The following AGO3 variants were observed in gnomAD, a reference collection of about 807,000 sequenced individuals.
The protein encoded by AGO3 is argonaute RISC catalytic component 3, also known as protein argonaute-3.
A neutral mutation model predicts 105.5 loss-of-function variants in AGO3; 16 were observed. The observed-to-expected ratio is 0.15, with a 90% CI of 0.10 to 0.23. The LOEUF is 0.23. Among genes scored for constraint, AGO3 ranks in the 10% least tolerant of loss-of-function variants. The probability of loss-of-function intolerance (pLI) is 1.00; values close to 1 mark genes in which losing one functional copy is unlikely to be tolerated. For synonymous variants in AGO3, 340 were observed against 367.3 expected, an observed-to-expected ratio of 0.93 and a Z score of 0.85; for missense variants, 534 against 1,088.0, an observed-to-expected ratio of 0.49 and a Z score of 7.16.
chr1:36,046,450 G>A (rs1010193781), intron 17 of AGO3, among the ~76,000 whole-genome samples: 3 of 151,764 alleles, frequency 2.0e-5, no homozygotes, highest in Non-Finnish European at 4.4e-5. Context: ...CCAGCACTTC[G>A]GGAGGCCGAG....
At chr1:35,931,002 C>G (rs896207094), upstream of AGO3, 3 of 353,890 alleles carry the variant, frequency 8.5e-6, no homozygotes, top group African/African-American at 2.1e-5. Context: ...GCTCCTGCCC[C>G]GACGTCGCTC....
At chr1:35,971,466 T>C (rs1223693703) in intron 3 of AGO3, among the ~76,000 whole-genome samples, 1 of 151,832 alleles carries the variant, frequency 6.6e-6, no homozygotes, top group Non-Finnish European at 1.5e-5. Flanking sequence ...GCCTTTTTTT[T>C]TTCTTTTTTT....
chr1:35,966,405 G>C (rs1307057401), intron 2 of AGO3, among the ~76,000 whole-genome samples: 1 of 152,084 alleles, frequency 6.6e-6, no homozygotes, highest in Non-Finnish European at 1.5e-5. Context: ...CAGTTACATT[G>C]GCTCAGATGT....
chr1:36,043,527 C>G lies in AGO3; in HGVS notation c.2253C>G (p.Leu751=). 6.2e-7 allele frequency: 1 copy of G among 1,612,928 alleles called. No homozygotes were observed. Among genetic ancestry groups the G allele is most frequent in the African/African-American group, 1.3e-5 (1 of 75,006 alleles). The part of the protein sequence containing the change: ...ITHPYEFDFY[L]CSHAGIQGTS... Reference sequence around the variant, plus strand: ...ACCCATATGAGTTCGATTTTTACCTCTGTAGCCATGCTGGAATACAGGTAA... The same window carrying G: ...ACCCATATGAGTTCGATTTTTACCTGTGTAGCCATGCTGGAATACAGGTAA... The change falls in exon 17 of 19, where the codon CTC becomes CTG. Residue 751 remains leucine (L), a synonymous_variant. Coordinates refer to ENST00000373191, the MANE Select transcript of AGO3 (RefSeq NM_024852.4).
At chr1:36,015,718 C>G (rs1008513970) in intron 11 of AGO3, among the ~76,000 whole-genome samples, 4 of 152,216 alleles carry the variant, frequency 2.6e-5, no homozygotes, top group South Asian at 2.1e-4. Context: ...ATAGTAGCAG[C>G]AAGCATCATT....
chr1:36,026,040 CA>C (rs796763694), intron 11 of AGO3, among the ~76,000 whole-genome samples: 179 of 135,036 alleles, frequency 1.3e-3, no homozygotes, highest in Admixed American at 1.6e-3. Context: ...GACTCCACCT[CA>C]AAAAAAAAAA....
intron 17 of AGO3, among the ~76,000 whole-genome samples, chr1:36,051,672 G>A (rs1642720278): frequency 6.6e-6 from 1 of 152,090 alleles, no homozygotes. Context: ...ATGAGCCTGG[G>A]CAACAGAACA....
intron 5 of AGO3, among the ~76,000 whole-genome samples, chr1:35,993,344 T>A (rs1196296983): frequency 6.6e-6 from 1 of 151,772 alleles, no homozygotes; most frequent in African/African-American, 2.4e-5. Flanking sequence ...GTTGGTTATT[T>A]AAAAAAAATA....
chr1:35,952,286 G>A (rs1646488972), intron 2 of AGO3, among the ~76,000 whole-genome samples: 1 of 151,576 alleles, frequency 6.6e-6, no homozygotes, highest in African/African-American at 2.4e-5. Context: ...GGGACTACAG[G>A]CGCCTGCCAC....
chr1:35,951,675 C>T (rs552563048), intron 2 of AGO3, among the ~76,000 whole-genome samples: 3 of 152,242 alleles, frequency 2.0e-5, no homozygotes, highest in African/African-American at 7.2e-5. Context: ...AGGTTTGAGC[C>T]ACTGCACCCA....
intron 2 of AGO3, among the ~76,000 whole-genome samples, chr1:35,955,858 G>A (rs1646555638): frequency 6.6e-6 from 1 of 152,112 alleles, no homozygotes; most frequent in East Asian, 1.9e-4. Context: ...ACTTCCCAAA[G>A]TGTTGGAATT....
intron 5 of AGO3, among the ~76,000 whole-genome samples, chr1:35,998,520 A>G (rs1368293795): frequency 6.6e-6 from 1 of 152,136 alleles, no homozygotes. Context: ...TTATATTCCT[A>G]CAGTCTGAGA....
intron 1 of AGO3, 59 bp downstream of exon 1, chr1:35,931,504 TC>T: frequency 7.5e-7 from 1 of 1,340,790 alleles, no homozygotes; most frequent in Non-Finnish European, 9.7e-7. Flanking sequence ...CCTCTGAGCA[TC>T]CCTGCTCCTC....
intron 2 of AGO3, among the ~76,000 whole-genome samples, chr1:35,963,260 G>T (rs1243961859): frequency 3.3e-5 from 5 of 152,114 alleles, no homozygotes; most frequent in Admixed American, 3.3e-4. Flanking sequence ...TGGGGGAGTG[G>T]ATAGACAACA....
intron 5 of AGO3, among the ~76,000 whole-genome samples, chr1:35,984,745 A>G (rs1207678507): frequency 1.3e-5 from 2 of 152,212 alleles, no homozygotes; most frequent in Non-Finnish European, 2.9e-5. Context: ...AAGAATGAAT[A>G]AATAAATCCA....
rs1309621402 is a variant in AGO3, at chr1:36,067,377, ATT to A, written c.*11634_*11635del. ...ATTAAGGTTTTCCAGGAGCTTTCTC[ATT>A]TCTTAGCCCAGGGTCCAACCCCATT... On this transcript the variant is annotated 3_prime_UTR_variant, in exon 19 of 19. Coordinates refer to ENST00000373191, the MANE Select transcript of AGO3 (RefSeq NM_024852.4). 1.3e-5 allele frequency: 2 copies of A among 152,202 alleles called. No individual in the cohort carries two copies. Among genetic ancestry groups the A allele is most frequent in the African/African-American group, 4.8e-5 (2 of 41,466 alleles). 9.4% of individuals were successfully genotyped at this position (152,202 alleles called of 1,614,324 possible).
rs571616876 is a variant in AGO3 at position 36,070,447 on chromosome 1, C to T, written c.*14702C>T. ...GTCCTTACATTTCAACAGGCTTATGCATTTCCATGGGGGGAAGAGATTCTG... is the reference window on the plus strand; with the variant it reads ...GTCCTTACATTTCAACAGGCTTATGTATTTCCATGGGGGGAAGAGATTCTG... On this transcript the variant is annotated 3_prime_UTR_variant, in exon 19 of 19. Coordinates refer to ENST00000373191, the MANE Select transcript of AGO3 (RefSeq NM_024852.4). The T allele has an allele frequency of 1.3e-5, 2 of 152,280 alleles. No homozygotes were observed. The highest frequency in any genetic ancestry group is 4.1e-4 in the South Asian group (2 of 4,826). The allele number at this position is 152,280 out of a possible 1,614,324, so 9.4% of individuals were successfully genotyped here.
chr1:36,055,982 G>A lies in AGO3; in HGVS notation c.*237G>A. ...CTGCTTTTTGTGCGGTCTCCTATAG[G>A]AAGTATCGCAATTGTTTTGTTTTCA... On this transcript the variant is annotated 3_prime_UTR_variant, in exon 19 of 19. Transcript: ENST00000373191. The surrounding 1 kb of genome is among the most constrained non-coding windows in gnomAD (Gnocchi z 4.4). 2.7e-6 allele frequency: 1 copy of A among 367,688 alleles called. No homozygotes were observed. The highest frequency in any genetic ancestry group is 4.9e-6 in the Non-Finnish European group (1 of 203,750). 22.8% of individuals were successfully genotyped at this position (367,688 alleles called of 1,614,324 possible).
At chr1:36,022,062 CTTTTTTTT>C (rs34538981) in intron 11 of AGO3, among the ~76,000 whole-genome samples, 1 of 110,298 alleles carries the variant, frequency 9.1e-6, no homozygotes, top group Non-Finnish European at 1.7e-5. Context: ...AGTTGGGGGC[CTTTTTTTT>C]TTTTTTTTTT....
Sources: gnomAD v4.1 joint callset for allele counts (sites outside exome capture counted in the v4.1 genomes callset) on GRCh38, gnomAD v4.1.1 for gene constraint, Gnocchi (gnomAD v3.1) non-coding constraint, MANE v1.5 for transcripts, NCBI Gene and HGNC (gene_info 2026-07-23, HGNC 2026-07-21) for gene names.